The following KAT8 variants were observed in gnomAD, a reference collection of about 807,000 sequenced individuals.
The protein encoded by KAT8 is lysine acetyltransferase 8.
KAT8 carries 40 observed loss-of-function variants against 62.9 expected under a neutral mutation model. The observed-to-expected ratio is 0.64, with a 90% CI of 0.49 to 0.83. The LOEUF (loss-of-function observed/expected upper bound fraction) is 0.83. KAT8 is among the 40% of genes least tolerant of loss of function. The probability of loss-of-function intolerance (pLI) is 0.00; values close to 1 mark genes in which losing one functional copy is unlikely to be tolerated. For missense variants in KAT8, 387 were observed against 614.8 expected, an observed-to-expected ratio of 0.63 and a Z score of 3.92; for synonymous variants, 278 against 254.5, an observed-to-expected ratio of 1.09 and a Z score of -0.88.
chr16:31,117,980 A>G, intron 1 of KAT8, 88 bp downstream of exon 1: 1 of 1,018,370 alleles, frequency 9.8e-7, no homozygotes, highest in Admixed American at 4.3e-5. Context: ...CAGTGAGGCC[A>G]AGATCCGGGG....
At chr16:31,129,466 G>C (rs759366836) in intron 6 of KAT8, among the ~76,000 whole-genome samples, 2 of 152,188 alleles carry the variant, frequency 1.3e-5, no homozygotes, top group Non-Finnish European at 2.9e-5. Flanking sequence ...ACAGCTGCCG[G>C]GTTGGATGAG....
rs2057577478 is a variant in KAT8 at position 31,131,260 on chromosome 16, G to A, written c.*1G>A. On this transcript the variant is annotated 3_prime_UTR_variant, in exon 11 of 11. Coordinates refer to ENST00000219797, the MANE Select transcript of KAT8 (RefSeq NM_032188.3). ...GCAAGTCAAGCTCTCCAAGAAGTGA[G>A]CAGCCTGGCCCCTGCTGTCGGACCT... is the stretch of plus-strand genomic sequence containing the variant. 1 of 1,614,202 alleles carries A rather than the reference G, an allele frequency of 6.2e-7. No homozygotes were observed.
At chr16:31,118,155 C>A in intron 1 of KAT8, 2 of 377,762 alleles carry the variant, frequency 5.3e-6, no homozygotes, top group Non-Finnish European at 9.4e-6. Context: ...CATTCCACTT[C>A]CTTGCCCAGT....
rs201848524 is a variant in KAT8, at chr16:31,131,190, C to G, written c.1313-5C>G. ...AGCCCTGCCTCCCGCCCCTTCTCCC[C>G]ACAGTGGACTCCGTCTGCCTCAAGT... On this transcript the variant is annotated splice_polypyrimidine_tract_variant and splice_region_variant and intron_variant, in intron 10 of 10. Coordinates refer to ENST00000219797, the MANE Select transcript of KAT8 (RefSeq NM_032188.3). 2.0e-5 allele frequency: 33 copies of G among 1,614,042 alleles called. No individual in the cohort carries two copies. Among genetic ancestry groups the G allele is most frequent in the Admixed American group, 5.0e-5 (3 of 60,026 alleles).
chr16:31,122,411 G>A (rs1033022596), intron 3 of KAT8: 2 of 152,096 alleles, frequency 1.3e-5, no homozygotes, highest in Non-Finnish European at 2.9e-5. Context: ...ACTTCCTACT[G>A]TGGTGTGATT....
intron 6 of KAT8, among the ~76,000 whole-genome samples, chr16:31,128,866 AG>A (rs143086324): frequency 0.045 from 6,819 of 152,334 alleles, 232 homozygotes; most frequent in Non-Finnish European, 0.075. Flanking sequence ...TCAGCAGGGC[AG>A]GTTGGGGCCT....
chr16:31,125,637 C>T (rs1331628444), intron 3 of KAT8: 1 of 149,418 alleles, frequency 6.7e-6, no homozygotes, highest in Non-Finnish European at 1.5e-5. Context: ...AAATAACACT[C>T]TATGTAAGGG....
At chr16:31,117,921 G>T in intron 1 of KAT8, 29 bp downstream of exon 1, 1 of 1,311,928 alleles carries the variant, frequency 7.6e-7, no homozygotes, top group Non-Finnish European at 9.8e-7. Flanking sequence ...GCTGGGGGCG[G>T]GGCGGAGCTC....
At position 31,117,713 on chromosome 16, in the gene KAT8, C is replaced by A. The variant is rs901263157; in HGVS notation, c.32C>A (p.Ala11Glu). ...GCACAGGGAGCTGCTGCGGCGGTTGCGGCGGGGACTTCAGGGGTCGCGGGG... is the reference window on the plus strand; with the variant it reads ...GCACAGGGAGCTGCTGCGGCGGTTGAGGCGGGGACTTCAGGGGTCGCGGGG... The part of the protein sequence containing the change: MAAQGAAAAV[A>E]AGTSGVAGEG... Residue 11 changes from alanine to glutamate, a missense_variant, in exon 1 of 11, where the codon GCG becomes GAG. Coordinates refer to ENST00000219797, the MANE Select transcript of KAT8 (RefSeq NM_032188.3). 1.4e-6 allele frequency: 2 copies of A among 1,391,390 alleles called. No homozygotes were observed. Among genetic ancestry groups the A allele is most frequent in the African/African-American group, 3.0e-5 (2 of 65,910 alleles). 86.2% of individuals were successfully genotyped at this position (1,391,390 alleles called of 1,614,324 possible).
chr16:31,130,123 G>T lies in KAT8; in HGVS notation c.878G>T (p.Arg293Leu). 6.2e-7 allele frequency: 1 copy of T among 1,613,790 alleles called. No individual in the cohort carries two copies. The highest frequency in any genetic ancestry group is 8.5e-7 in the Non-Finnish European group (1 of 1,179,942). The change falls in exon 7 of 11, where the codon CGG becomes CTG. Residue 293 changes from arginine (R) to leucine (L), a missense_variant. By Grantham distance (102) the Arg-to-Leu change is moderately radical (BLOSUM62 -2). Transcript: ENST00000219797. Reference sequence around the variant, plus strand: ...TTTTACATCCTGACTGAGGTGGACCGGCAGGGGGCCCACATTGTTGGCTAC... The same window carrying T: ...TTTTACATCCTGACTGAGGTGGACCTGCAGGGGGCCCACATTGTTGGCTAC... ...FVFYILTEVD[R>L]QGAHIVGYFS...
At chr16:31,130,928 G>A in intron 10 of KAT8, 28 bp downstream of exon 10, 2 of 1,599,770 alleles carry the variant, frequency 1.3e-6, no homozygotes. Flanking sequence ...GTGTGTCGGG[G>A]GCGGTGGGGG....
At chr16:31,121,425 C>A (rs1447039033) in intron 3 of KAT8, among the ~76,000 whole-genome samples, 1 of 151,926 alleles carries the variant, frequency 6.6e-6, no homozygotes, top group Non-Finnish European at 1.5e-5. Flanking sequence ...CCGGCCTAAG[C>A]TAAGTGTTTT....
In KAT8 at chr16:31,130,322, A is replaced by C. The variant is rs764879193; in HGVS notation, c.968A>C (p.Tyr323Ser). 6.2e-7 allele frequency: 1 copy of C among 1,614,112 alleles called. No homozygotes were observed. The highest frequency in any genetic ancestry group is 8.5e-7 in the Non-Finnish European group (1 of 1,179,988). ...NVACILTLPP[Y>S]QRRGYGKFLI... ...GCCTGCATCCTGACCTTGCCCCCCT[A>C]CCAACGCCGCGGCTACGGGAAGTTC... The change falls in exon 8 of 11, where the codon TAC becomes TCC. Residue 323 changes from tyrosine to serine, a missense_variant. Around this residue, in one of 6 missense-constraint regions of KAT8, gnomAD observed 141 missense variants for 222.5 expected, o/e 0.63. Coordinates refer to ENST00000219797, the MANE Select transcript of KAT8 (RefSeq NM_032188.3).
intron 1 of KAT8, chr16:31,118,880 CTTTTTTTTTTT>C (rs34659650): frequency 1.6e-5 from 2 of 121,998 alleles, no homozygotes; most frequent in African/African-American, 6.1e-5. Context: ...TCCCTTTTGT[CTTTTTTTTTTT>C]TTTTTTTTTT....
At chr16:31,131,143 T>C (rs978471945) in intron 10 of KAT8, 52 bp from the exon 11 acceptor site, 5 of 1,606,862 alleles carry the variant, frequency 3.1e-6, no homozygotes, top group Non-Finnish European at 4.3e-6. Flanking sequence ...CAGCCAGGTG[T>C]GAGCTGGCCT....
At position 31,119,739 on chromosome 16, in the gene KAT8, A is replaced by G. The variant is rs1303545456; in HGVS notation, c.212-447A>G. Reference sequence around the variant, plus strand: ...CTGCAACCTCTGCCTCCCGGGTTCAAGCAATTCTCCTGCCTCAGCCTTGCC... The same window carrying G: ...CTGCAACCTCTGCCTCCCGGGTTCAGGCAATTCTCCTGCCTCAGCCTTGCC... On this transcript the variant is annotated intron_variant, in intron 1 of 10. Transcript: ENST00000219797. 2.6e-5 allele frequency among the ~76,000 whole-genome samples: 4 copies of G among 152,126 alleles called. No homozygotes were observed. In the East Asian group the frequency reaches 7.7e-4, roughly 29 times the overall value.
intron 4 of KAT8, 46 bp downstream of exon 4, chr16:31,127,134 G>GC: frequency 1.2e-6 from 2 of 1,613,956 alleles, no homozygotes; most frequent in Non-Finnish European, 1.7e-6. Context: ...GTCTCCCCTT[G>GC]CCGAGGAGCC....
At chr16:31,118,289 T>G in intron 1 of KAT8, 1 of 170,298 alleles carries the variant, frequency 5.9e-6, no homozygotes, top group Non-Finnish European at 1.2e-5. Context: ...AACAACAGGC[T>G]TCCCTTTCCT....
chr16:31,117,795 G>T lies in KAT8; in HGVS notation c.114G>T (p.Pro38=). Residue 38 remains proline, a synonymous_variant, in exon 1 of 11, where the codon CCG becomes CCT. Transcript: ENST00000219797. ...NAAAEGTAPS[P]GRVSPPTPAR... The stretch of plus-strand genomic sequence containing the variant: ...CCGCTGAGGGGACCGCCCCATCCCC[G>T]GGCCGCGTCTCTCCGCCGACCCCGG... The T allele has an allele frequency of 7.0e-7, 1 of 1,421,608 alleles. No individual in the cohort carries two copies. Among genetic ancestry groups the T allele is most frequent in the South Asian group, 1.4e-5 (1 of 70,362 alleles). The allele number at this position is 1,421,608 out of a possible 1,614,324, so 88.1% of individuals were successfully genotyped here. A position where few individuals can be genotyped will look rare whatever the true frequency, so the allele number is the denominator to read the frequency against.
Sources: gnomAD v4.1 joint callset for allele counts (sites outside exome capture counted in the v4.1 genomes callset) on GRCh38, gnomAD v4.1.1 for gene constraint, gnomAD v4.1.1 regional missense constraint, MANE v1.5 for transcripts, NCBI Gene and HGNC (gene_info 2026-07-23, HGNC 2026-07-21) for gene names.